Variants in FAM53B observed in about 807,000 individuals in gnomAD.
The protein encoded by FAM53B is family with sequence similarity 53 member B.
In FAM53B, 12 loss-of-function variants were observed where a neutral mutation model predicts 32.7. The ratio of observed to expected loss-of-function variants is 0.37; its 90% CI spans 0.24 to 0.59. The LOEUF is 0.59. FAM53B is among the 20% of genes least tolerant of loss of function. FAM53B has a pLI of 0.72. For missense variants in FAM53B, 477 were observed against 577.7 expected (o/e 0.83, Z 1.79); for synonymous variants, 234 against 228.7 (o/e 1.02, Z -0.21).
chr10:124,693,022 GA>G (rs1554907683), intron 3 of FAM53B, among the ~76,000 whole-genome samples: 1 of 152,154 alleles, frequency 6.6e-6, no homozygotes, highest in Non-Finnish European at 1.5e-5. Context: ...ATCAGCACCA[GA>G]ACATGAGTCC....
In FAM53B at chr10:124,677,889, G is replaced by A. The variant is rs76389603; in HGVS notation, c.906+3718C>T. Among the ~76,000 whole-genome samples, 152 of 152,252 alleles carry A rather than the reference G, an allele frequency of 1.0e-3. 5 individuals are homozygous for A. In the East Asian group the frequency reaches 0.028, roughly 28 times the overall value. On this transcript the variant is annotated intron_variant, in intron 4 of 4. Coordinates refer to ENST00000337318, the MANE Select transcript of FAM53B (RefSeq NM_014661.4). ...AACAGACAGGAGAATGCTCACACACGGCGAACTCCCTCTGACAAGGGGGGG... is the reference window on the plus strand; with the variant it reads ...AACAGACAGGAGAATGCTCACACACAGCGAACTCCCTCTGACAAGGGGGGG...
At chr10:124,731,024 G>A (rs1185517267) in intron 1 of FAM53B, among the ~76,000 whole-genome samples, 1 of 152,230 alleles carries the variant, frequency 6.6e-6, no homozygotes, top group Non-Finnish European at 1.5e-5. Context: ...GCCAGATTTA[G>A]TCACCAGGCT....
intron 4 of FAM53B, among the ~76,000 whole-genome samples, chr10:124,642,611 C>T (rs918580103): frequency 3.3e-5 from 5 of 152,230 alleles, no homozygotes; most frequent in African/African-American, 1.2e-4. Flanking sequence ...TGAGTGAACA[C>T]GGAACCTGAA....
chr10:124,634,815 T>C (rs1208907296), intron 4 of FAM53B, among the ~76,000 whole-genome samples: 2 of 152,194 alleles, frequency 1.3e-5, no homozygotes, highest in Non-Finnish European at 2.9e-5. Context: ...GGTATGGACT[T>C]TCTTTTGAGG....
intron 1 of FAM53B, among the ~76,000 whole-genome samples, chr10:124,734,957 T>C (rs1950165144): frequency 6.6e-6 from 1 of 152,162 alleles, no homozygotes; most frequent in Non-Finnish European, 1.5e-5. Context: ...TTCAGCAAGC[T>C]TAGATGAGCT....
At chr10:124,722,657 C>T (rs569779058) in intron 1 of FAM53B, among the ~76,000 whole-genome samples, 51 of 152,106 alleles carry the variant, frequency 3.4e-4, no homozygotes, top group Non-Finnish European at 5.9e-4. Flanking sequence ...ATAGGTAATA[C>T]TTTCTAAAAT....
At chr10:124,667,749 A>T (rs867877276) in intron 4 of FAM53B, among the ~76,000 whole-genome samples, 129 of 152,360 alleles carry the variant, frequency 8.5e-4, no homozygotes, top group African/African-American at 3.0e-3. Flanking sequence ...GAAATGCCTC[A>T]AATGGAAGAT....
chr10:124,686,148 T>C (rs1949801329), intron 3 of FAM53B, among the ~76,000 whole-genome samples: 1 of 152,212 alleles, frequency 6.6e-6, no homozygotes, highest in Non-Finnish European at 1.5e-5. Context: ...GGGTAATTCT[T>C]ATGCACCAGC....
intron 4 of FAM53B, among the ~76,000 whole-genome samples, chr10:124,638,736 C>T (rs1424449618): frequency 1.3e-5 from 2 of 152,226 alleles, no homozygotes; most frequent in Non-Finnish European, 2.9e-5. Flanking sequence ...CTACTGGAGC[C>T]CTTCAGGGGC....
chr10:124,728,659 G>A (rs1950122888), intron 1 of FAM53B, among the ~76,000 whole-genome samples: 1 of 152,196 alleles, frequency 6.6e-6, no homozygotes, highest in Non-Finnish European at 1.5e-5. Context: ...AGAAACAAGA[G>A]GGGAGTTTCC....
intron 1 of FAM53B, among the ~76,000 whole-genome samples, chr10:124,708,181 G>A (rs1564884090): frequency 2.6e-5 from 4 of 152,168 alleles, no homozygotes; most frequent in Admixed American, 2.6e-4. Flanking sequence ...GCTCAACACA[G>A]GAAAATGTTT....
intron 4 of FAM53B, among the ~76,000 whole-genome samples, chr10:124,624,947 G>C (rs1347468140): frequency 6.6e-6 from 1 of 152,212 alleles, no homozygotes; most frequent in East Asian, 1.9e-4. Context: ...ACAGAGGGCA[G>C]GGGGGAATTC....
intron 1 of FAM53B, among the ~76,000 whole-genome samples, chr10:124,734,674 T>A (rs1224180292): frequency 1.3e-5 from 2 of 152,082 alleles, no homozygotes; most frequent in Non-Finnish European, 2.9e-5. Flanking sequence ...CAGGGCCCCC[T>A]CCCAGAACCT....
chr10:124,632,523 G>A (rs752201733), intron 4 of FAM53B, among the ~76,000 whole-genome samples: 2 of 152,218 alleles, frequency 1.3e-5, no homozygotes, highest in Admixed American at 6.5e-5. Context: ...CAGGACTAGC[G>A]ATGCAGAAGG....
chr10:124,741,781 G>C (rs1950201684), intron 1 of FAM53B, among the ~76,000 whole-genome samples: 1 of 152,222 alleles, frequency 6.6e-6, no homozygotes, highest in African/African-American at 2.4e-5. Flanking sequence ...GTATCATAAA[G>C]CTCTTTCCAA....
At chr10:124,686,861 G>A (rs1756285569) in intron 3 of FAM53B, among the ~76,000 whole-genome samples, 1 of 152,246 alleles carries the variant, frequency 6.6e-6, no homozygotes, top group African/African-American at 2.4e-5. Context: ...AGTCCAACCA[G>A]GACTGTGCCC....
At chr10:124,725,542 T>C (rs1019458048) in intron 1 of FAM53B, among the ~76,000 whole-genome samples, 12 of 152,238 alleles carry the variant, frequency 7.9e-5, no homozygotes, top group Non-Finnish European at 1.6e-4. Context: ...GCTGTGTCCA[T>C]GACAGCTCTG....
At chr10:124,679,790 A>G (rs1482530846) in intron 4 of FAM53B, among the ~76,000 whole-genome samples, 1 of 152,252 alleles carries the variant, frequency 6.6e-6, no homozygotes. Context: ...CCATCTATAC[A>G]ACTGGGCGCA....
intron 1 of FAM53B, among the ~76,000 whole-genome samples, chr10:124,742,143 A>C (rs1950203885): frequency 6.6e-6 from 1 of 152,180 alleles, no homozygotes; most frequent in African/African-American, 2.4e-5. Context: ...TAACCTGAAA[A>C]AGCGCCTGGA....
Sources: allele counts gnomAD v4.1 joint callset (sites outside exome capture counted in the v4.1 genomes callset), GRCh38; gene constraint gnomAD v4.1.1; transcripts MANE v1.5; gene names NCBI Gene and HGNC (gene_info 2026-07-23, HGNC 2026-07-21).